Variants in SLC39A11 observed in about 807,000 individuals in gnomAD.
The protein encoded by SLC39A11 is zinc transporter ZIP11.
SLC39A11 carries 33 observed loss-of-function variants against 36.1 expected under a neutral mutation model. The observed-to-expected ratio is 0.91, with a 90% CI of 0.69 to 1.22. The LOEUF is 1.22. Ranked by LOEUF, SLC39A11 falls within the 50% of genes most tolerant of loss-of-function variation. The probability of loss-of-function intolerance (pLI) is 0.00; values close to 1 mark genes in which losing one functional copy is unlikely to be tolerated. For synonymous variants in SLC39A11, 166 were observed against 170.3 expected (o/e 0.97, Z 0.20); for missense variants, 432 against 430.3 (o/e 1.00, Z -0.03).
intron 6 of SLC39A11, among the ~76,000 whole-genome samples, chr17:72,844,056 G>T (rs759300793): frequency 8.5e-5 from 13 of 152,206 alleles, no homozygotes; most frequent in Non-Finnish European, 1.8e-4. Flanking sequence ...TCTCCATTTA[G>T]TCATTGTGAA....
At chr17:73,048,528 T>A (rs1231544923) in intron 3 of SLC39A11, among the ~76,000 whole-genome samples, 3 of 152,220 alleles carry the variant, frequency 2.0e-5, no homozygotes, top group Admixed American at 6.5e-5. Flanking sequence ...AATATAATCA[T>A]CTATTTTCAT....
chr17:72,785,602 A>T (rs2076485002), intron 6 of SLC39A11, among the ~76,000 whole-genome samples: 1 of 152,224 alleles, frequency 6.6e-6, no homozygotes, highest in Admixed American at 6.5e-5. Context: ...CAAAGCTTTC[A>T]GAGAAGCCAG....
At chr17:72,819,721 C>T (rs2077702140) in intron 6 of SLC39A11, among the ~76,000 whole-genome samples, 1 of 151,338 alleles carries the variant, frequency 6.6e-6, no homozygotes, top group Admixed American at 6.6e-5. Flanking sequence ...CCAACAGCCT[C>T]TTGGTGGATC....
chr17:72,774,632 A>G (rs1281957863), intron 6 of SLC39A11, among the ~76,000 whole-genome samples: 1 of 152,196 alleles, frequency 6.6e-6, no homozygotes, highest in African/African-American at 2.4e-5. Flanking sequence ...TCTTGCATTA[A>G]TTGGGCATGT....
chr17:72,927,116 A>G (rs2084095276), intron 5 of SLC39A11, among the ~76,000 whole-genome samples: 1 of 152,100 alleles, frequency 6.6e-6, no homozygotes, highest in Non-Finnish European at 1.5e-5. Context: ...GTGTGATCTT[A>G]GCTCACAGCA....
intron 4 of SLC39A11, among the ~76,000 whole-genome samples, chr17:72,979,952 C>A (rs1159435507): frequency 6.6e-6 from 1 of 152,108 alleles, no homozygotes; most frequent in African/African-American, 2.4e-5. Flanking sequence ...AATGGTGCAT[C>A]CTTCTCCCAC....
rs1360327716 is a variant in SLC39A11, at chr17:72,977,910, G to A, written c.307-30035C>T. Among the ~76,000 whole-genome samples, 8 of 152,184 alleles carry A rather than the reference G, an allele frequency of 5.3e-5. No homozygotes were observed. In the East Asian group the frequency reaches 7.7e-4, roughly 15 times the overall value. ...AGGTGCCCAGGAGACCGACTGCATC[G>A]GCACCTGTTCCCAGGAGCCTCTCCC... On this transcript the variant is annotated intron_variant, in intron 4 of 9. Coordinates refer to ENST00000255559, the MANE Select transcript of SLC39A11 (RefSeq NM_139177.4).
rs201644554 is a variant in SLC39A11, at chr17:72,955,276, T to C, written c.307-7401A>G. On this transcript the variant is annotated intron_variant, in intron 4 of 9. Coordinates refer to ENST00000255559, the MANE Select transcript of SLC39A11 (RefSeq NM_139177.4). ...TTCCATCCTCCCCTGGTATCCTGAATAGGCTTTAACTTTTCAGTTCTCTTT... is the reference window on the plus strand; with the variant it reads ...TTCCATCCTCCCCTGGTATCCTGAACAGGCTTTAACTTTTCAGTTCTCTTT... Among the ~76,000 whole-genome samples, 11 of 150,418 alleles carry C rather than the reference T, an allele frequency of 7.3e-5. No homozygotes were observed. The East Asian group carries it at 1.8e-3, about 24-fold the overall frequency.
At chr17:72,853,942 T>C (rs897747780) in intron 5 of SLC39A11, among the ~76,000 whole-genome samples, 18 of 152,066 alleles carry the variant, frequency 1.2e-4, no homozygotes, top group Non-Finnish European at 1.5e-5. Context: ...AAGAACCTCG[T>C]GAGGTTTCTT....
chr17:73,054,103 G>A (rs1433516098), intron 3 of SLC39A11, among the ~76,000 whole-genome samples: 1 of 152,158 alleles, frequency 6.6e-6, no homozygotes, highest in Admixed American at 6.5e-5. Flanking sequence ...GGTGGCTCAT[G>A]CCTGTAATCC....
At chr17:72,685,591 C>T (rs2071710258) in intron 7 of SLC39A11, among the ~76,000 whole-genome samples, 1 of 152,196 alleles carries the variant, frequency 6.6e-6, no homozygotes, top group Admixed American at 6.5e-5. Context: ...TTCATCTGAC[C>T]TGGGTTTTTA....
At chr17:72,715,939 C>T (rs118073026) in intron 7 of SLC39A11, among the ~76,000 whole-genome samples, 4,886 of 152,162 alleles carry the variant, frequency 0.032, 121 homozygotes, top group Non-Finnish European at 0.049. Context: ...TCAAGTGATC[C>T]GCCCGCTTCA....
At chr17:73,086,750 G>A (rs1195010605) in intron 2 of SLC39A11, among the ~76,000 whole-genome samples, 2 of 152,224 alleles carry the variant, frequency 1.3e-5, no homozygotes, top group Non-Finnish European at 2.9e-5. Flanking sequence ...AACCCAGGAG[G>A]TGGAGGTTGC....
Position 72,866,304 on chromosome 17 carries a change from A to AC in SLC39A11, c.431-16501dup, listed in dbSNP as rs2080300028. On this transcript the variant is annotated intron_variant, in intron 5 of 9. Transcript: ENST00000255559. ...TGATGATCTGTCACTGCCTCCCATT[A>AC]CCCCCAGATGGGACCATTTAGTTGC... Among the ~76,000 whole-genome samples the AC allele has an allele frequency of 2.0e-5, 3 of 151,802 alleles. No individual in the cohort carries two copies. The South Asian group carries it at 6.2e-4, about 32-fold the overall frequency.
chr17:72,823,523 C>T (rs538822120), intron 6 of SLC39A11: 23 of 151,454 alleles, frequency 1.5e-4, no homozygotes, highest in African/African-American at 5.1e-4. Flanking sequence ...AAAACAACCC[C>T]GTCCAAGCCA....
At chr17:72,695,093 A>C (rs541080187) in intron 7 of SLC39A11, among the ~76,000 whole-genome samples, 2 of 152,334 alleles carry the variant, frequency 1.3e-5, no homozygotes, top group Admixed American at 1.3e-4. Context: ...AATGGGGTAC[A>C]CAAAGGTCAG....
intron 6 of SLC39A11, among the ~76,000 whole-genome samples, chr17:72,803,829 C>T (rs1032397120): frequency 6.6e-6 from 1 of 152,120 alleles, no homozygotes; most frequent in African/African-American, 2.4e-5. Context: ...CAGGTGAGGG[C>T]AGAATTCAGG....
intron 7 of SLC39A11, 57 bp from the exon 8 acceptor site, chr17:72,649,325 G>C (rs2069736100): frequency 1.3e-6 from 2 of 1,520,370 alleles, no homozygotes; most frequent in Non-Finnish European, 1.8e-6. Flanking sequence ...CTCACACAAT[G>C]GGAGTCCCTG....
chr17:73,081,610 GATATAT>G (rs36154651), intron 3 of SLC39A11, among the ~76,000 whole-genome samples: 36 of 133,600 alleles, frequency 2.7e-4, no homozygotes, highest in Non-Finnish European at 4.1e-4. Context: ...AAGAAAATGT[GATATAT>G]ATATATATAT....
Sources: allele counts gnomAD v4.1 joint callset (sites outside exome capture counted in the v4.1 genomes callset), GRCh38; gene constraint gnomAD v4.1.1; transcripts MANE v1.5; gene names NCBI Gene and HGNC (gene_info 2026-07-23, HGNC 2026-07-21).